SPATS2L: variants seen among roughly 807,000 people sequenced by gnomAD.
SPATS2L encodes SPATS2-like protein.
SPATS2L carries 30 observed loss-of-function variants against 59.6 expected under a neutral mutation model. That is an observed-to-expected ratio of 0.50 (90% CI 0.38 to 0.68). The LOEUF is 0.68. SPATS2L is among the 30% of genes least tolerant of loss of function. The pLI, the probability that SPATS2L is intolerant of heterozygous loss-of-function variation, is 0.00. For missense variants in SPATS2L, 615 were observed against 700.0 expected (o/e 0.88, Z 1.37); for synonymous variants, 252 against 263.5 (o/e 0.96, Z 0.42).
At chr2:200,384,880 C>T (rs1029336242) in intron 2 of SPATS2L, among the ~76,000 whole-genome samples, 6 of 152,070 alleles carry the variant, frequency 3.9e-5, no homozygotes, top group Admixed American at 2.0e-4. Context: ...TAAAAAATGT[C>T]TAAGCTATTG....
intron 3 of SPATS2L, among the ~76,000 whole-genome samples, chr2:200,402,056 C>G (rs928806241): frequency 3.3e-5 from 5 of 152,220 alleles, no homozygotes; most frequent in African/African-American, 1.2e-4. Context: ...TTCCCTGCAT[C>G]TAGTTAAATG....
chr2:200,316,503 A>G (rs2079384067), intron 1 of SPATS2L, among the ~76,000 whole-genome samples: 1 of 152,372 alleles, frequency 6.6e-6, no homozygotes, highest in Non-Finnish European at 1.5e-5. Context: ...GGCCCTTTCC[A>G]GAGGGCATAC....
chr2:200,473,019 C>G lies in SPATS2L; in HGVS notation c.1248C>G (p.Asp416Glu). The part of the protein sequence containing the change: ...KMVSSLPSTA[D>E]PSHQTMPANK... Reference sequence around the variant, plus strand: ...TGAGCAGTCTCCCCAGCACCGCCGACCCCTCTCACCAGACCATGCCGGCCA... The same window carrying G: ...TGAGCAGTCTCCCCAGCACCGCCGAGCCCTCTCACCAGACCATGCCGGCCA... Residue 416 changes from aspartate (D) to glutamate (E), a missense_variant, in exon 12 of 13, where the codon GAC becomes GAG. Transcript: ENST00000409140. 1 of 1,613,726 alleles carries G rather than the reference C, an allele frequency of 6.2e-7. No homozygotes were observed. Among genetic ancestry groups the G allele is most frequent in the Non-Finnish European group, 8.5e-7 (1 of 1,179,818 alleles).
intron 2 of SPATS2L, among the ~76,000 whole-genome samples, chr2:200,348,818 G>C (rs1476003339): frequency 6.6e-6 from 1 of 151,552 alleles, no homozygotes; most frequent in Non-Finnish European, 1.5e-5. Flanking sequence ...CTCCGTTTCA[G>C]AGCTGGCCCT....
At chr2:200,411,746 T>G (rs907571394) in intron 3 of SPATS2L, among the ~76,000 whole-genome samples, 2 of 152,236 alleles carry the variant, frequency 1.3e-5, no homozygotes, top group African/African-American at 4.8e-5. Flanking sequence ...TTCAGAAGTG[T>G]GTTCACAAAC....
At chr2:200,349,863 A>T (rs1291705533) in intron 2 of SPATS2L, among the ~76,000 whole-genome samples, 1 of 152,164 alleles carries the variant, frequency 6.6e-6, no homozygotes, top group African/African-American at 2.4e-5. Flanking sequence ...CCAAAGTGTC[A>T]ACATCTAAAT....
At chr2:200,449,688 T>C (rs934733066) in intron 8 of SPATS2L, among the ~76,000 whole-genome samples, 1 of 152,192 alleles carries the variant, frequency 6.6e-6, no homozygotes, top group African/African-American at 2.4e-5. Flanking sequence ...AAAATATATA[T>C]GCAATATAGT....
At chr2:200,359,249 A>T (rs2081020416) in intron 2 of SPATS2L, among the ~76,000 whole-genome samples, 1 of 152,008 alleles carries the variant, frequency 6.6e-6, no homozygotes, top group African/African-American at 2.4e-5. Context: ...ATTGATGTTC[A>T]GTTTCATACT....
At chr2:200,470,251 A>G (rs1266177473) in intron 11 of SPATS2L, among the ~76,000 whole-genome samples, 1 of 152,234 alleles carries the variant, frequency 6.6e-6, no homozygotes, top group African/African-American at 2.4e-5. Flanking sequence ...GGAACAGAAC[A>G]GGTCAACTAG....
At chr2:200,456,092 C>G (rs919414875) in intron 8 of SPATS2L, among the ~76,000 whole-genome samples, 2 of 152,320 alleles carry the variant, frequency 1.3e-5, no homozygotes, top group South Asian at 4.1e-4. Flanking sequence ...GACAAGCCTA[C>G]TGCCTGGAAA....
At chr2:200,415,632 C>T (rs976870042) in intron 4 of SPATS2L, among the ~76,000 whole-genome samples, 9 of 151,782 alleles carry the variant, frequency 5.9e-5, no homozygotes, top group Admixed American at 3.3e-4. Flanking sequence ...AGCTGGCCAG[C>T]GATAAAACAT....
intron 2 of SPATS2L, among the ~76,000 whole-genome samples, chr2:200,342,091 C>G (rs2080351030): frequency 6.6e-6 from 1 of 152,052 alleles, no homozygotes; most frequent in African/African-American, 2.4e-5. Flanking sequence ...TTTTCTAAAT[C>G]ATGCAAAATA....
intron 2 of SPATS2L, among the ~76,000 whole-genome samples, chr2:200,345,303 C>T (rs905430886): frequency 6.6e-6 from 1 of 152,034 alleles, no homozygotes; most frequent in Non-Finnish European, 1.5e-5. Context: ...GCCAGTTATT[C>T]CAGCAACAAA....
At chr2:200,349,572 A>T (rs2080647620) in intron 2 of SPATS2L, among the ~76,000 whole-genome samples, 1 of 152,214 alleles carries the variant, frequency 6.6e-6, no homozygotes, top group Non-Finnish European at 1.5e-5. Context: ...CAGGAGGCAG[A>T]GGTGGTAGTG....
intron 1 of SPATS2L, among the ~76,000 whole-genome samples, chr2:200,311,099 G>A (rs924727215): frequency 6.6e-6 from 1 of 152,208 alleles, no homozygotes; most frequent in Non-Finnish European, 1.5e-5. Context: ...ATGTAAGGAT[G>A]ATTTTTTTTA....
rs2079030900 is a variant in SPATS2L at position 200,306,846 on chromosome 2, G to A, written c.-149G>A. 4 of 980,780 alleles carry A rather than the reference G, an allele frequency of 4.1e-6. No individual in the cohort carries two copies. The highest frequency in any genetic ancestry group is 2.4e-6 in the Non-Finnish European group (2 of 828,182). The allele number at this position is 980,780 out of a possible 1,614,324, so 60.8% of individuals were successfully genotyped here. A position where few individuals can be genotyped will look rare whatever the true frequency, so the allele number is the denominator to read the frequency against. ...CCGAGCCGCAGGGGCCGCCACCGCC[G>A]CGGCGCCTCCCCTGGCGACCGCGCC... On this transcript the variant is annotated 5_prime_UTR_variant, in exon 1 of 13. Transcript: ENST00000409140.
At chr2:200,409,468 A>G (rs542178777) in intron 3 of SPATS2L, among the ~76,000 whole-genome samples, 20 of 152,342 alleles carry the variant, frequency 1.3e-4, no homozygotes, top group African/African-American at 4.8e-4. Context: ...GTGAGTTCAC[A>G]CAATTTCTCC....
intron 9 of SPATS2L, 95 bp from the exon 10 acceptor site, chr2:200,467,195 A>G: frequency 3.5e-6 from 3 of 854,242 alleles, no homozygotes; most frequent in Admixed American, 2.3e-5. Context: ...CAACAAAGCA[A>G]TCAGTCTGTG....
intron 1 of SPATS2L, among the ~76,000 whole-genome samples, chr2:200,319,541 G>A (rs2079491697): frequency 7.9e-6 from 1 of 126,770 alleles, no homozygotes; most frequent in Non-Finnish European, 1.6e-5. Context: ...CTCCAGCCTA[G>A]GTGACAGAGC....
Sources: gnomAD v4.1 joint callset for allele counts (sites outside exome capture counted in the v4.1 genomes callset) on GRCh38, gnomAD v4.1.1 for gene constraint, MANE v1.5 for transcripts, NCBI Gene and HGNC (gene_info 2026-07-23, HGNC 2026-07-21) for gene names.